Variants in GPR33 observed in about 807,000 individuals in gnomAD.
GPR33 encodes the protein G protein-coupled receptor 33.
Under a neutral mutation model 3.1 loss-of-function variants are expected in GPR33, and 4 were observed. That is an observed-to-expected ratio of 1.29 (90% CI 0.64 to 2.96). GPR33 has a LOEUF of 2.96. Among genes scored for constraint, GPR33 ranks in the 30% most tolerant of loss-of-function variants. GPR33 has a pLI of 0.01. For synonymous variants in GPR33, 138 were observed against 142.0 expected, an observed-to-expected ratio of 0.97 and a Z score of 0.20; for missense variants, 390 against 388.9, an observed-to-expected ratio of 1.00 and a Z score of -0.02.
Position 31,483,290 on chromosome 14 carries a change from C to T in GPR33, c.676G>A (p.Glu226Lys). Residue 226 changes from glutamate (E) to lysine (K), a missense_variant, in exon 2 of 2, where the codon GAA becomes AAA. By Grantham distance (56) the Glu-to-Lys change is moderately conservative. Transcript: ENST00000399285. ...TCTTTCACCTTGCTGGCTACTCTTT[C>T]ATAACAAAAGATGATGATGAAGAAA... ...LPFFIIIFCY[E>K]RVASKVKERS... is the part of the protein sequence containing the mutation. The T allele has an allele frequency of 5.9e-6, 9 of 1,536,116 alleles. No homozygotes were observed. The highest frequency in any genetic ancestry group is 7.0e-6 in the Non-Finnish European group (8 of 1,146,906).
chr14:31,487,440 T>TG (rs2032431667), intron 1 of GPR33, among the ~76,000 whole-genome samples: 2 of 130,904 alleles, frequency 1.5e-5, no homozygotes, highest in African/African-American at 6.0e-5. Context: ...CAGTTTTTTT[T>TG]TTTTTTTTTT....
Position 31,486,183 on chromosome 14 carries a change from G to T in GPR33, c.-7+1714C>A, listed in dbSNP as rs1015840697. ...GCACGATCCTAGCTCACTGCAGCGT[G>T]GAACTCCTGGGCTTCATCAATCCTC... On this transcript the variant is annotated intron_variant, in intron 1 of 1. Transcript: ENST00000399285. 8.9e-4 allele frequency among the ~76,000 whole-genome samples: 136 copies of T among 152,118 alleles called. 2 individuals are homozygous for T. The highest frequency in any genetic ancestry group is 7.4e-5 in the Non-Finnish European group (5 of 68,018).
chr14:31,484,600 G>C (rs2032398102), intron 1 of GPR33, among the ~76,000 whole-genome samples: 1 of 151,978 alleles, frequency 6.6e-6, no homozygotes, highest in African/African-American at 2.4e-5. Context: ...TCTTCTACTT[G>C]GACGTTAACC....
Position 31,483,887 on chromosome 14 carries a change from C to A in GPR33, c.79G>T (p.Ala27Ser). The change falls in exon 2 of 2, where the codon GCA (alanine) becomes TCA (serine). Residue 27 changes from alanine to serine, a missense_variant. Transcript: ENST00000399285. ...VRNSTQFLAPASKMIIALSLY... is the reference protein window; with the variant it reads ...VRNSTQFLAPSSKMIIALSLY... ...GAAAGGGCAATAATCATTTTTGATG[C>A]AGGAGCTAGAAACTGAGTGCTGTTT... is the stretch of plus-strand genomic sequence containing the variant. 1 of 1,535,988 alleles carries A rather than the reference C, an allele frequency of 6.5e-7. No individual in the cohort carries two copies. The highest frequency in any genetic ancestry group is 8.7e-7 in the Non-Finnish European group (1 of 1,146,846).
intron 1 of GPR33, among the ~76,000 whole-genome samples, chr14:31,487,360 C>T (rs889467184): frequency 6.6e-6 from 1 of 151,576 alleles, no homozygotes; most frequent in Non-Finnish European, 1.5e-5. Context: ...GGTTTGTATC[C>T]TACCTCTACC....
chr14:31,483,704 G>C lies in GPR33; in HGVS notation c.262C>G (p.Gln88Glu). Residue 88 changes from glutamine (Q) to glutamate (E), a missense_variant, in exon 2 of 2, where the codon CAA (glutamine) becomes GAA (glutamate). By Grantham distance (29) the Gln-to-Glu change is conservative. Coordinates refer to ENST00000399285, the MANE Select transcript of GPR33 (RefSeq NM_001197184.3). ...TMILPFMATS[Q>E]LQDNHWNFGT... Reference sequence around the variant, plus strand: ...AAGTTCCAGTGATTGTCTTGAAGTTGGGAGGTGGCCATAAATGGCAGAATC... The same window carrying C: ...AAGTTCCAGTGATTGTCTTGAAGTTCGGAGGTGGCCATAAATGGCAGAATC... 6.5e-7 allele frequency: 1 copy of C among 1,531,838 alleles called. No individual in the cohort carries two copies. Among genetic ancestry groups the C allele is most frequent in the African/African-American group, 1.4e-5 (1 of 70,106 alleles). The allele number at this position is 1,531,838 out of a possible 1,614,324, so 94.9% of individuals were successfully genotyped here.
chr14:31,484,002 C>G, intron 1 of GPR33, 31 bp from the exon 2 acceptor site: 2 of 1,437,248 alleles, frequency 1.4e-6, no homozygotes, highest in Non-Finnish European at 1.8e-6. Context: ...AAAATAACAA[C>G]AAGAAAAAGC....
chr14:31,485,847 T>C (rs925339391), intron 1 of GPR33, among the ~76,000 whole-genome samples: 1 of 152,100 alleles, frequency 6.6e-6, no homozygotes, highest in Non-Finnish European at 1.5e-5. Flanking sequence ...TTAATAATGC[T>C]CAGATGATTT....
chr14:31,483,141 T>TAGTG lies in GPR33; in HGVS notation c.821_824dup (p.Leu276ThrfsTer45), dbSNP rs910802460. 33 of 1,535,882 alleles carry TAGTG rather than the reference T, an allele frequency of 2.1e-5. No individual in the cohort carries two copies. The highest frequency in any genetic ancestry group is 6.8e-5 in the African/African-American group (5 of 73,032). The stretch of plus-strand genomic sequence containing the variant: ...TAAGTATCAAAGTCAACTCTAAAAG[T>TAGTG]AGTGACTGGTTCGTAGTGAGAAGTA... On this transcript the variant is annotated frameshift_variant, in exon 2 of 2. Transcript: ENST00000399285. LOFTEE classifies it high-confidence loss of function.
intron 1 of GPR33, among the ~76,000 whole-genome samples, chr14:31,484,680 T>C (rs1044320455): frequency 6.6e-6 from 1 of 152,158 alleles, no homozygotes; most frequent in Non-Finnish European, 1.5e-5. Context: ...TTATTTGACT[T>C]GTGAGGGCAA....
chr14:31,486,167 T>C (rs1184537182), intron 1 of GPR33, among the ~76,000 whole-genome samples: 2 of 152,208 alleles, frequency 1.3e-5, no homozygotes, highest in Non-Finnish European at 2.9e-5. Flanking sequence ...GGCACGATCC[T>C]AGCTCACTGC....
chr14:31,486,117 G>C (rs1225594633), intron 1 of GPR33, among the ~76,000 whole-genome samples: 1 of 152,000 alleles, frequency 6.6e-6, no homozygotes, highest in Non-Finnish European at 1.5e-5. Flanking sequence ...TTATTTTTTA[G>C]AGACAGGGTC....
Position 31,483,132 on chromosome 14 carries a change from C to T in GPR33, c.834G>A (p.Glu278=), listed in dbSNP as rs773860647. ...TTAGCACTGTAAGTATCAAAGTCAA[C>T]TCTAAAAGTAGTGACTGGTTCGTAG... ...LLTTNQSLLL[E]LTLILTVLTT... The change falls in exon 2 of 2, where the codon GAG becomes GAA. Residue 278 remains glutamate (E), a synonymous_variant. Coordinates refer to ENST00000399285, the MANE Select transcript of GPR33 (RefSeq NM_001197184.3). 6.5e-7 allele frequency: 1 copy of T among 1,536,026 alleles called. No homozygotes were observed.
rs748464868 is a variant in GPR33 at position 31,483,810 on chromosome 14, C to A, written c.156G>T (p.Trp52Cys). ...IGTITNGLYL[W>C]VLRFKMKQTV... Reference sequence around the variant, plus strand: ...TCTGTTTCATCTTGAATCTTAGCACCCATAGATAGAGGCCATTGGTGATGG... The same window carrying A: ...TCTGTTTCATCTTGAATCTTAGCACACATAGATAGAGGCCATTGGTGATGG... Residue 52 changes from tryptophan (W) to cysteine (C), a missense_variant, in exon 2 of 2, where the codon TGG (tryptophan) becomes TGT (cysteine). Coordinates refer to ENST00000399285, the MANE Select transcript of GPR33 (RefSeq NM_001197184.3). 1.3e-5 allele frequency: 20 copies of A among 1,535,934 alleles called. No homozygotes were observed. The highest frequency in any genetic ancestry group is 1.7e-5 in the Non-Finnish European group (19 of 1,146,860).
In GPR33 at chr14:31,483,188, G is replaced by T. The variant is rs914546726; in HGVS notation, c.778C>A (p.Pro260Thr). 2 of 1,536,086 alleles carry T rather than the reference G, an allele frequency of 1.3e-6. No individual in the cohort carries two copies. The highest frequency in any genetic ancestry group is 1.7e-6 in the Non-Finnish European group (2 of 1,146,884). The change falls in exon 2 of 2, where the codon CCC becomes ACC. Residue 260 changes from proline to threonine, a missense_variant. Pro to Thr is a conservative substitution (Grantham distance 38). Coordinates refer to ENST00000399285, the MANE Select transcript of GPR33 (RefSeq NM_001197184.3). ...AIISFFVCWM[P>T]YHIHQGLLLT... The stretch of plus-strand genomic sequence containing the variant: ...AGTAAGCCCTGGTGTATATGGTAGG[G>T]CATCCAACACACAAAGAAAGAGATA...
intron 1 of GPR33, among the ~76,000 whole-genome samples, chr14:31,486,859 G>C (rs1385686455): frequency 6.6e-6 from 1 of 152,110 alleles, no homozygotes; most frequent in African/African-American, 2.4e-5. Context: ...GGTGGTTCTG[G>C]GGAATCAAAG....
chr14:31,482,917 G>A lies in GPR33; in HGVS notation c.*47C>T, dbSNP rs1338480943. 5 of 1,424,548 alleles carry A rather than the reference G, an allele frequency of 3.5e-6. No individual in the cohort carries two copies. The highest frequency in any genetic ancestry group is 3.7e-6 in the Non-Finnish European group (4 of 1,081,792). The allele number at this position is 1,424,548 out of a possible 1,614,324, so 88.2% of individuals were successfully genotyped here. A position where few individuals can be genotyped will look rare whatever the true frequency, so the allele number is the denominator to read the frequency against. On this transcript the variant is annotated 3_prime_UTR_variant, in exon 2 of 2. Coordinates refer to ENST00000399285, the MANE Select transcript of GPR33 (RefSeq NM_001197184.3). ...ATATCCTATTGGTATAATTGACCAA[G>A]TGCGTGTTTGCTTAAGAATCTAGAA...
chr14:31,484,939 A>ATT (rs543168980), intron 1 of GPR33, among the ~76,000 whole-genome samples: 1 of 145,182 alleles, frequency 6.9e-6, no homozygotes, highest in Non-Finnish European at 1.5e-5. Flanking sequence ...AGATGTAGTA[A>ATT]TTTTTTTTTT....
rs2032376870 is a variant in GPR33, at chr14:31,483,014, A to G, written c.952T>C (p.Phe318Leu). The change falls in exon 2 of 2, where the codon TTT becomes CTT. Residue 318 changes from phenylalanine to leucine, a missense_variant. Transcript: ENST00000399285. The part of the protein sequence containing the change: ...KVFKKSILAL[F>L]ESTFSEDSSV... The stretch of plus-strand genomic sequence containing the variant: ...GAATCTTCACTAAATGTTGACTCAA[A>G]CAGAGCAAGAATGGACTTCTTGAAG... 1.3e-6 allele frequency: 2 copies of G among 1,534,556 alleles called. No homozygotes were observed. The highest frequency in any genetic ancestry group is 1.7e-6 in the Non-Finnish European group (2 of 1,146,498).
Sources: gnomAD v4.1 joint callset for allele counts (sites outside exome capture counted in the v4.1 genomes callset) on GRCh38, gnomAD v4.1.1 for gene constraint, MANE v1.5 for transcripts, NCBI Gene and HGNC (gene_info 2026-07-23, HGNC 2026-07-21) for gene names.